SMAP2: variants seen among roughly 807,000 people sequenced by gnomAD.
SMAP2 encodes small ArfGAP2, also known as stromal membrane-associated protein 2.
Under a neutral mutation model 56.4 loss-of-function variants are expected in SMAP2, and 25 were observed. The observed-to-expected ratio is 0.44, with a 90% CI of 0.32 to 0.62. The LOEUF is 0.62. SMAP2 is among the 20% of genes least tolerant of loss of function. The pLI is 0.04. For synonymous variants in SMAP2, 157 were observed against 181.7 expected, an observed-to-expected ratio of 0.86 and a Z score of 1.09; for missense variants, 388 against 545.6, an observed-to-expected ratio of 0.71 and a Z score of 2.88.
chr1:40,351,019 C>T (rs1644407176), intron 1 of SMAP2, among the ~76,000 whole-genome samples: 1 of 152,196 alleles, frequency 6.6e-6, no homozygotes, highest in Non-Finnish European at 1.5e-5. Flanking sequence ...AACAATCTCC[C>T]TCCTTACCCA....
At chr1:40,365,750 G>A (rs935374184) in intron 2 of SMAP2, among the ~76,000 whole-genome samples, 1 of 151,982 alleles carries the variant, frequency 6.6e-6, no homozygotes, top group African/African-American at 2.4e-5. Flanking sequence ...CAAAGATGGG[G>A]AAAAAACAGA....
chr1:40,385,296 C>A lies in SMAP2; in HGVS notation c.103+11073C>A, dbSNP rs1477582512. The stretch of plus-strand genomic sequence containing the variant: ...GTGATTCTCTGACAAATTTTGTTGA[C>A]CATAGCCCTCTTTTCCCCTCAGTTC... On this transcript the variant is annotated intron_variant, in intron 1 of 9. Transcript: ENST00000372718. This position sits in a 1 kb window ranked among gnomAD's most constrained non-coding sequence, Gnocchi z 4.5. 6.6e-6 allele frequency among the ~76,000 whole-genome samples: 1 copy of A among 152,118 alleles called. No individual in the cohort carries two copies. Among genetic ancestry groups the A allele is most frequent in the Non-Finnish European group, 1.5e-5 (1 of 68,034 alleles).
chr1:40,350,539 A>G (rs986554154), intron 1 of SMAP2, among the ~76,000 whole-genome samples: 4 of 152,194 alleles, frequency 2.6e-5, no homozygotes, highest in Admixed American at 2.6e-4. Context: ...AGGAAACTGT[A>G]TTACTGGTGC....
At position 40,385,712 on chromosome 1, in the gene SMAP2, G is replaced by A. The variant is rs2124249096; in HGVS notation, c.103+11489G>A. ...TCTTTTGCAGCAGTTGCTGGTGACG[G>A]AATACCATAAATCCCCAGGCCTCTA... On this transcript the variant is annotated intron_variant, in intron 1 of 9. Coordinates refer to ENST00000372718, the MANE Select transcript of SMAP2 (RefSeq NM_022733.3). This position sits in a 1 kb window ranked among gnomAD's most constrained non-coding sequence, Gnocchi z 4.5. Among the ~76,000 whole-genome samples, 1 of 152,312 alleles carries A rather than the reference G, an allele frequency of 6.6e-6. No individual in the cohort carries two copies. Among genetic ancestry groups the A allele is most frequent in the East Asian group, 1.9e-4 (1 of 5,190 alleles).
chr1:40,412,486 G>T (rs1264597065), intron 4 of SMAP2, among the ~76,000 whole-genome samples: 1 of 152,072 alleles, frequency 6.6e-6, no homozygotes, highest in Admixed American at 6.6e-5. Context: ...TTTACATTTA[G>T]ATGTTTATTT....
chr1:40,399,320 T>TTATTTTTTTTTTTTTA (rs10694359), intron 1 of SMAP2, among the ~76,000 whole-genome samples: 1 of 141,460 alleles, frequency 7.1e-6, no homozygotes, highest in African/African-American at 2.6e-5. Context: ...ATTTTTTTTT[T>TTATTTTTTTTTTTTTA]TTTTTTTTTT....
chr1:40,390,902 T>C (rs779898006), intron 1 of SMAP2, among the ~76,000 whole-genome samples: 3 of 152,218 alleles, frequency 2.0e-5, no homozygotes, highest in Non-Finnish European at 4.4e-5. Flanking sequence ...AAGAGAGGCT[T>C]TTCCACAAAA....
At chr1:40,347,774 G>A (rs746025941) in intron 1 of SMAP2, among the ~76,000 whole-genome samples, 1 of 151,976 alleles carries the variant, frequency 6.6e-6, no homozygotes. Flanking sequence ...TTAACAATTC[G>A]GCATATTTGT....
chr1:40,417,210 G>T, intron 9 of SMAP2, 114 bp downstream of exon 9: 4 of 627,628 alleles, frequency 6.4e-6, no homozygotes, highest in East Asian at 3.2e-5. Flanking sequence ...GATAATGTAA[G>T]AGACATTGTT....
upstream of SMAP2, among the ~76,000 whole-genome samples, chr1:40,372,209 G>A (rs576760750): frequency 1.3e-5 from 2 of 152,332 alleles, no homozygotes; most frequent in East Asian, 3.9e-4. Flanking sequence ...TGCAGAGTGA[G>A]GAGATGAAGA....
intron 1 of SMAP2, among the ~76,000 whole-genome samples, chr1:40,352,289 G>A (rs543357847): frequency 1.3e-5 from 2 of 152,184 alleles, no homozygotes; most frequent in African/African-American, 4.8e-5. Context: ...AAGGCCTTTC[G>A]TGATCTGGCC....
intron 6 of SMAP2, among the ~76,000 whole-genome samples, chr1:40,414,850 C>T (rs560906129): frequency 1.3e-5 from 2 of 152,330 alleles, no homozygotes; most frequent in South Asian, 4.1e-4. Flanking sequence ...TGTTGTCTGC[C>T]TTTCACAGCA....
intron 9 of SMAP2, among the ~76,000 whole-genome samples, chr1:40,421,062 C>G (rs1198727035): frequency 4.0e-5 from 6 of 148,678 alleles, no homozygotes; most frequent in African/African-American, 9.9e-5. Context: ...TAATCTGCAA[C>G]TTTTGATACT....
chr1:40,373,596 C>G (rs1269815552), upstream of SMAP2: 1 of 153,490 alleles, frequency 6.5e-6, no homozygotes, highest in African/African-American at 2.4e-5. Context: ...GCCCGCCCCC[C>G]GCTTCTCCAC....
chr1:40,378,939 C>A (rs113674878), intron 1 of SMAP2, among the ~76,000 whole-genome samples: 3 of 151,708 alleles, frequency 2.0e-5, no homozygotes, highest in African/African-American at 7.3e-5. Flanking sequence ...ATTTTCACTC[C>A]GTGGAAGTAA....
chr1:40,353,737 G>T (rs1049845685), intron 1 of SMAP2, among the ~76,000 whole-genome samples: 36 of 151,974 alleles, frequency 2.4e-4, no homozygotes, highest in African/African-American at 8.5e-4. Flanking sequence ...AGTGGGCTGA[G>T]AATTTGCATT....
chr1:40,396,926 T>C, intron 1 of SMAP2: 1 of 867,190 alleles, frequency 1.2e-6, no homozygotes, highest in Non-Finnish European at 1.4e-6. Flanking sequence ...AAACAAATAC[T>C]GCTGCTTTTT....
intron 1 of SMAP2, among the ~76,000 whole-genome samples, chr1:40,356,409 T>G (rs549253780): frequency 1.1e-4 from 16 of 150,640 alleles, no homozygotes; most frequent in Non-Finnish European, 2.2e-4. Context: ...TTTTTTGTTT[T>G]TTTTTGTTTT....
intron 1 of SMAP2, among the ~76,000 whole-genome samples, chr1:40,376,879 A>C (rs1394563701): frequency 4.6e-5 from 7 of 152,190 alleles, no homozygotes; most frequent in African/African-American, 1.7e-4. Flanking sequence ...ACCTATGAGC[A>C]GGTATTTTTG....
Sources: gnomAD v4.1 joint callset for allele counts (sites outside exome capture counted in the v4.1 genomes callset) on GRCh38, gnomAD v4.1.1 for gene constraint, Gnocchi (gnomAD v3.1) non-coding constraint, MANE v1.5 for transcripts, NCBI Gene and HGNC (gene_info 2026-07-23, HGNC 2026-07-21) for gene names.